The following RASL10A variants were observed in gnomAD, a reference collection of about 807,000 sequenced individuals.
RASL10A encodes ras-like protein family member 10A.
In RASL10A, 13 loss-of-function variants were observed where a neutral mutation model predicts 17.3. The ratio of observed to expected loss-of-function variants is 0.75; its 90% CI spans 0.49 to 1.20. The LOEUF is 1.20. Ranked by LOEUF, RASL10A falls within the 50% of genes most tolerant of loss-of-function variation. The pLI is 0.00. For missense variants in RASL10A, 307 were observed against 310.3 expected (o/e 0.99, Z 0.08); for synonymous variants, 159 against 142.2 (o/e 1.12, Z -0.84).
chr22:29,313,555 G>T lies in RASL10A; in HGVS notation c.358C>A (p.Pro120Thr). ...CCTACCACGAGGATGGGCGCTTCGG[G>T]CGCGCCCGCCGGCCTGGGGGCCGAA... ...RIAETRPAGA[P>T]EAPILVVGNK... is the part of the protein sequence containing the mutation. The change falls in exon 3 of 3, where the codon CCC becomes ACC. Residue 120 changes from proline to threonine, a missense_variant. Transcript: ENST00000216101. The T allele has an allele frequency of 6.5e-7, 1 of 1,532,178 alleles. No homozygotes were observed. Among genetic ancestry groups the T allele is most frequent in the Non-Finnish European group, 8.7e-7 (1 of 1,151,298 alleles). 94.9% of individuals were successfully genotyped at this position (1,532,178 alleles called of 1,614,324 possible).
intron 2 of RASL10A, 32 bp from the exon 3 acceptor site, chr22:29,313,600 G>C: frequency 6.6e-7 from 1 of 1,503,846 alleles, no homozygotes; most frequent in Non-Finnish European, 8.8e-7. Context: ...GAGACGCGGG[G>C]ACCCCACGGC....
rs760428651 is a variant in RASL10A at position 29,313,494 on chromosome 22, G to C, written c.419C>G (p.Pro140Arg). The C allele has an allele frequency of 3.2e-6, 5 of 1,562,790 alleles. No homozygotes were observed. In the South Asian group the frequency reaches 3.5e-5, roughly 11 times the overall value. Residue 140 changes from proline (P) to arginine (R), a missense_variant, in exon 3 of 3, where the codon CCG becomes CGG. Coordinates refer to ENST00000216101, the MANE Select transcript of RASL10A (RefSeq NM_006477.5). ...CACTAGGGCGGCCAGCGCGCGCCGC[G>C]GTCCGAAGCGCAGCCGCTGCCTGTC... is the stretch of plus-strand genomic sequence containing the variant. ...KRDRQRLRFG[P>R]RRALAALVRR...
intron 1 of RASL10A, among the ~76,000 whole-genome samples, chr22:29,314,563 G>A (rs750755394): frequency 1.3e-5 from 2 of 152,074 alleles, no homozygotes; most frequent in African/African-American, 2.4e-5. Flanking sequence ...CCTTTACTTT[G>A]CACAAATTAC....
chr22:29,314,641 T>TTTC (rs2147911596), intron 1 of RASL10A, among the ~76,000 whole-genome samples: 1 of 151,554 alleles, frequency 6.6e-6, no homozygotes, highest in East Asian at 1.9e-4. Context: ...CCAGCCCCCG[T>TTTC]AGAAAGTACA....
At chr22:29,318,625 G>GT (rs2061463782), upstream of RASL10A, among the ~76,000 whole-genome samples, 1 of 152,192 alleles carries the variant, frequency 6.6e-6, no homozygotes. Flanking sequence ...GAAGCTGCCT[G>GT]TCTGCCTGGG....
chr22:29,314,653 C>T (rs1332960988), intron 1 of RASL10A, among the ~76,000 whole-genome samples: 1 of 152,144 alleles, frequency 6.6e-6, no homozygotes, highest in Non-Finnish European at 1.5e-5. Flanking sequence ...GAAAGTACAC[C>T]CCTGCTCCTG....
At chr22:29,315,868 C>T (rs1346536689), upstream of RASL10A, 3 of 152,362 alleles carry the variant, frequency 2.0e-5, no homozygotes, top group Non-Finnish European at 4.4e-5. The surrounding 1 kb of genome is among the most constrained non-coding windows in gnomAD (Gnocchi z 5.5). Flanking sequence ...TCCTTACCTC[C>T]TCCGCGTGTC....
intron 1 of RASL10A, among the ~76,000 whole-genome samples, chr22:29,314,692 T>G (rs2061442320): frequency 6.6e-6 from 1 of 150,904 alleles, no homozygotes; most frequent in South Asian, 2.1e-4. Flanking sequence ...GTAGCTCTGC[T>G]CAAGGCCCCA....
chr22:29,315,036 C>G lies in RASL10A; in HGVS notation c.211G>C (p.Gly71Arg). 6.6e-7 allele frequency: 1 copy of G among 1,508,826 alleles called. No individual in the cohort carries two copies. Among genetic ancestry groups the G allele is most frequent in the Non-Finnish European group, 8.8e-7 (1 of 1,133,312 alleles). 93.5% of individuals were successfully genotyped at this position (1,508,826 alleles called of 1,614,324 possible). The change falls in exon 1 of 3, where the codon GGT (glycine) becomes CGT (arginine). Residue 71 changes from glycine to arginine, a missense_variant. Gly to Arg is a moderately radical substitution (Grantham distance 125, BLOSUM62 -2). Coordinates refer to ENST00000216101, the MANE Select transcript of RASL10A (RefSeq NM_006477.5). This position sits in a 1 kb window ranked among gnomAD's most constrained non-coding sequence, Gnocchi z 5.5. ...DVAGPGSSPGGPEEWPDAKDW... is the reference protein window; with the variant it reads ...DVAGPGSSPGRPEEWPDAKDW... ...GCTCCTCGAGCCGCTACCTCCGGAC[C>G]CCCGGGGCTCGAGCCGGGGCCAGCG...
At position 29,313,884 on chromosome 22, in the gene RASL10A, C is replaced by A. The variant is rs1299018146; in HGVS notation, c.323G>T (p.Arg108Leu). ...CTACCTGGTCTCCGCGATGCGCTGCCGCAGGGCCTTCACGTAGTCGAAACT... is the reference window on the plus strand; with the variant it reads ...CTACCTGGTCTCCGCGATGCGCTGCAGCAGGGCCTTCACGTAGTCGAAACT... ...PDSFDYVKAL[R>L]QRIAETRPAG... The change falls in exon 2 of 3, where the codon CGG becomes CTG. Residue 108 changes from arginine (R) to leucine (L), a missense_variant. Transcript: ENST00000216101. 2.4e-5 allele frequency: 38 copies of A among 1,613,774 alleles called. No homozygotes were observed. Among genetic ancestry groups the A allele is most frequent in the Non-Finnish European group, 3.1e-5 (37 of 1,180,036 alleles).
In RASL10A at chr22:29,313,924, TGTC is replaced by T. The variant is rs1271295516; in HGVS notation, c.280_282del (p.Asp94del). 4 of 1,613,844 alleles carry T rather than the reference TGTC, an allele frequency of 2.5e-6. No individual in the cohort carries two copies. The highest frequency in any genetic ancestry group is 3.3e-4 in the Middle Eastern group (2 of 6,084). On this transcript the variant is annotated inframe_deletion, in exon 2 of 3. Transcript: ENST00000216101. ...TAGTCGAAACTGTCCGGGCTGCAGA[TGTC>T]GTAGACGAGCACGAAGGCGTCCGTG... is the stretch of plus-strand genomic sequence containing the variant.
Position 29,315,542 on chromosome 22 carries a change from C to T in RASL10A, c.-296G>A, listed in dbSNP as rs1294921060. ...GAGCGGCGCTCAGACACCGCCTCCG[C>T]CCCGCAGCGCCAACCCAGGCGCCGG... On this transcript the variant is annotated 5_prime_UTR_variant, in exon 1 of 3. Transcript: ENST00000216101. This position sits in a 1 kb window ranked among gnomAD's most constrained non-coding sequence, Gnocchi z 5.5. 5.3e-6 allele frequency: 1 copy of T among 188,064 alleles called. No homozygotes were observed. The highest frequency in any genetic ancestry group is 6.1e-5 in the Admixed American group (1 of 16,292). The allele number at this position is 188,064 out of a possible 1,614,324, so 11.6% of individuals were successfully genotyped here.
Position 29,315,102 on chromosome 22 carries a change from C to T in RASL10A, c.145G>A (p.Asp49Asn). The T allele has an allele frequency of 6.5e-7, 1 of 1,528,856 alleles. No individual in the cohort carries two copies. Among genetic ancestry groups the T allele is most frequent in the East Asian group, 2.5e-5 (1 of 39,314 alleles). The allele number at this position is 1,528,856 out of a possible 1,614,324, so 94.7% of individuals were successfully genotyped here. A position where few individuals can be genotyped will look rare whatever the true frequency, so the allele number is the denominator to read the frequency against. Residue 49 changes from aspartate (D) to asparagine (N), a missense_variant, in exon 1 of 3, where the codon GAC becomes AAC. Coordinates refer to ENST00000216101, the MANE Select transcript of RASL10A (RefSeq NM_006477.5). The surrounding 1 kb of genome is among the most constrained non-coding windows in gnomAD (Gnocchi z 5.5). ...PRLYRPAVLL[D>N]GAVYDLSIRD... is the part of the protein sequence containing the mutation. ...ATGCTCAAGTCGTAGACGGCGCCGT[C>T]GAGCAGCACCGCGGGTCGGTAGAGG...
intron 1 of RASL10A, 25 bp from the exon 2 acceptor site, chr22:29,314,012 C>T (rs2061437999): frequency 1.9e-6 from 3 of 1,609,896 alleles, no homozygotes; most frequent in Non-Finnish European, 2.5e-6. Context: ...CCAGGGTTTG[C>T]GGAAGCCTCC....
Position 29,313,170 on chromosome 22 carries a change from A to G in RASL10A, c.*131T>C. The G allele has an allele frequency of 8.0e-7, 1 of 1,245,712 alleles. No individual in the cohort carries two copies. Among genetic ancestry groups the G allele is most frequent in the Non-Finnish European group, 1.1e-6 (1 of 946,348 alleles). 77.2% of individuals were successfully genotyped at this position (1,245,712 alleles called of 1,614,324 possible). A position where few individuals can be genotyped will look rare whatever the true frequency, so the allele number is the denominator to read the frequency against. On this transcript the variant is annotated 3_prime_UTR_variant, in exon 3 of 3. Coordinates refer to ENST00000216101, the MANE Select transcript of RASL10A (RefSeq NM_006477.5). ...CCAGTCGCTTAGGAGACTGGGTTGG[A>G]GCTTTCCTCATCCAATCAGGGCGGA...
At chr22:29,316,233 T>A (rs971823921), upstream of RASL10A, among the ~76,000 whole-genome samples, 1 of 152,200 alleles carries the variant, frequency 6.6e-6, no homozygotes, top group African/African-American at 2.4e-5. Flanking sequence ...TCTGCAAGGT[T>A]AGAAGGGCAG....
intron 1 of RASL10A, chr22:29,314,316 TC>T (rs2061439947): frequency 3.8e-6 from 1 of 263,764 alleles, no homozygotes. Flanking sequence ...TAAGACTAAT[TC>T]CAAAGCCCTT....
upstream of RASL10A, chr22:29,316,745 G>A (rs1033428365): frequency 6.6e-6 from 1 of 152,158 alleles, no homozygotes; most frequent in Non-Finnish European, 1.5e-5. Context: ...ACAGATCTCT[G>A]CACTGACTAA....
At chr22:29,316,732 T>C (rs1030105531), upstream of RASL10A, 22 of 152,324 alleles carry the variant, frequency 1.4e-4, no homozygotes, top group African/African-American at 4.6e-4. Flanking sequence ...ATGGCCGCAA[T>C]GCACAGATCT....
Sources: gnomAD v4.1 joint callset for allele counts (sites outside exome capture counted in the v4.1 genomes callset) on GRCh38, gnomAD v4.1.1 for gene constraint, Gnocchi (gnomAD v3.1) non-coding constraint, MANE v1.5 for transcripts, NCBI Gene and HGNC (gene_info 2026-07-23, HGNC 2026-07-21) for gene names.